Variants in CNTNAP5 observed in about 807,000 individuals in gnomAD.
The protein encoded by CNTNAP5 is contactin-associated protein-like 5.
Under a neutral mutation model 150.2 loss-of-function variants are expected in CNTNAP5, and 72 were observed. The ratio of observed to expected loss-of-function variants is 0.48; its 90% CI spans 0.40 to 0.58. CNTNAP5 has a LOEUF of 0.58. Ranked by LOEUF, CNTNAP5 falls within the 20% of genes least tolerant of loss-of-function variation. The probability of loss-of-function intolerance (pLI) is 0.00; values close to 1 mark genes in which losing one functional copy is unlikely to be tolerated. For missense variants in CNTNAP5, 1,636 were observed against 1,626.2 expected (o/e 1.01, Z -0.10); for synonymous variants, 672 against 619.8 (o/e 1.08, Z -1.25).
Position 124,639,488 on chromosome 2 carries a change from C to G in CNTNAP5, c.1877-8270C>G, listed in dbSNP as rs1284268901. On this transcript the variant is annotated intron_variant, in intron 12 of 23. Transcript: ENST00000682447. ...GCGTCTCTTCTTTTCTGACCCGGTACAAGGAGATATAAATGCTGCCTTTGG... is the reference window on the plus strand; with the variant it reads ...GCGTCTCTTCTTTTCTGACCCGGTAGAAGGAGATATAAATGCTGCCTTTGG... Among the ~76,000 whole-genome samples the G allele has an allele frequency of 2.0e-5, 3 of 152,200 alleles. No homozygotes were observed. In the South Asian group the frequency reaches 6.2e-4, roughly 32 times the overall value.
chr2:124,664,389 C>G (rs972509127), intron 13 of CNTNAP5, among the ~76,000 whole-genome samples: 1 of 146,128 alleles, frequency 6.8e-6, no homozygotes. Context: ...AAGGTAAAAA[C>G]AAACAAAACC....
intron 12 of CNTNAP5, among the ~76,000 whole-genome samples, chr2:124,643,620 T>C (rs529698468): frequency 8.5e-5 from 13 of 152,316 alleles, no homozygotes; most frequent in Admixed American, 2.0e-4. Context: ...CTCTAAGGAA[T>C]GAAGTCCAAG....
chr2:124,293,456 C>A (rs1349163126), intron 3 of CNTNAP5, among the ~76,000 whole-genome samples: 2 of 151,954 alleles, frequency 1.3e-5, no homozygotes, highest in Middle Eastern at 3.2e-3. Flanking sequence ...TAGTTAATAA[C>A]AATCCAATGC....
chr2:124,660,735 T>C lies in CNTNAP5; in HGVS notation c.2077+12777T>C, dbSNP rs1455242514. On this transcript the variant is annotated intron_variant, in intron 13 of 23. Transcript: ENST00000682447. ...TAATACAATGGTAAATATTTTTACA[T>C]CTAAACATACCTAAATATGAAACAG... is the stretch of plus-strand genomic sequence containing the variant. Among the ~76,000 whole-genome samples the C allele has an allele frequency of 3.3e-5, 5 of 151,922 alleles. No homozygotes were observed. The East Asian group carries it at 9.7e-4, about 29-fold the overall frequency.
At chr2:124,129,815 T>A (rs1020824210) in intron 1 of CNTNAP5, among the ~76,000 whole-genome samples, 5 of 152,172 alleles carry the variant, frequency 3.3e-5, no homozygotes, top group Non-Finnish European at 5.9e-5. Flanking sequence ...TTATCTTGGT[T>A]TGTTATTTTC....
intron 13 of CNTNAP5, among the ~76,000 whole-genome samples, chr2:124,708,753 C>T (rs1679746581): frequency 6.6e-6 from 1 of 152,148 alleles, no homozygotes; most frequent in Non-Finnish European, 1.5e-5. Flanking sequence ...ATTCCCCCAT[C>T]ATCACTTAGT....
intron 1 of CNTNAP5, among the ~76,000 whole-genome samples, chr2:124,033,943 A>T (rs1558732050): frequency 2.0e-5 from 3 of 152,074 alleles, no homozygotes; most frequent in African/African-American, 7.2e-5. Context: ...TGTGAAAGAG[A>T]TAGTACTGGG....
chr2:124,434,077 A>G (rs1171599076), intron 4 of CNTNAP5, among the ~76,000 whole-genome samples: 7 of 152,138 alleles, frequency 4.6e-5, no homozygotes, highest in Non-Finnish European at 7.3e-5. Flanking sequence ...TCTATTTTTC[A>G]TCTCTAATGT....
chr2:124,215,824 C>T (rs923384142), intron 1 of CNTNAP5, among the ~76,000 whole-genome samples: 22 of 151,320 alleles, frequency 1.5e-4, no homozygotes, highest in African/African-American at 4.1e-4. Flanking sequence ...TCTTTCACTT[C>T]GCAGAAAAAA....
intron 22 of CNTNAP5, among the ~76,000 whole-genome samples, chr2:124,909,417 C>T (rs1246306328): frequency 6.6e-6 from 1 of 152,114 alleles, no homozygotes; most frequent in Non-Finnish European, 1.5e-5. Flanking sequence ...TGTGAGCACA[C>T]TCTATGATTT....
At chr2:124,464,915 A>G (rs573113948) in intron 6 of CNTNAP5, among the ~76,000 whole-genome samples, 2 of 152,274 alleles carry the variant, frequency 1.3e-5, no homozygotes, top group East Asian at 1.9e-4. Context: ...TCCTTTTTTT[A>G]TACCTGTTTC....
chr2:124,288,863 A>G (rs1688217782), intron 3 of CNTNAP5, among the ~76,000 whole-genome samples: 1 of 152,218 alleles, frequency 6.6e-6, no homozygotes. Flanking sequence ...GGAAAGTCAG[A>G]GAAACTCAAC....
At chr2:124,147,683 G>A (rs1283182234) in intron 1 of CNTNAP5, among the ~76,000 whole-genome samples, 1 of 152,196 alleles carries the variant, frequency 6.6e-6, no homozygotes, top group Non-Finnish European at 1.5e-5. Context: ...CCATTGAGGG[G>A]ATGGAACGGC....
At chr2:124,103,615 A>G (rs1280871804) in intron 1 of CNTNAP5, among the ~76,000 whole-genome samples, 1 of 152,118 alleles carries the variant, frequency 6.6e-6, no homozygotes, top group Admixed American at 6.6e-5. Flanking sequence ...CAGTCCAGCA[A>G]CATGGTGTAT....
chr2:124,694,322 T>C (rs931887000), intron 13 of CNTNAP5, among the ~76,000 whole-genome samples: 7 of 152,168 alleles, frequency 4.6e-5, no homozygotes, highest in African/African-American at 1.7e-4. Context: ...CAGCTTGTAG[T>C]TGGCAAAGCT....
chr2:124,812,369 G>C (rs1160294886), intron 19 of CNTNAP5, among the ~76,000 whole-genome samples: 1 of 150,758 alleles, frequency 6.6e-6, no homozygotes, highest in Non-Finnish European at 1.5e-5. Context: ...CAACCCCCCA[G>C]TGATCAGAGT....
chr2:124,138,195 C>G (rs1050558332), intron 1 of CNTNAP5, among the ~76,000 whole-genome samples: 5 of 152,098 alleles, frequency 3.3e-5, no homozygotes, highest in Non-Finnish European at 7.3e-5. Flanking sequence ...AGGTGAGGCC[C>G]CAGCACTGAT....
At chr2:124,437,446 A>G (rs191276099) in intron 5 of CNTNAP5, among the ~76,000 whole-genome samples, 7 of 152,316 alleles carry the variant, frequency 4.6e-5, no homozygotes, top group South Asian at 2.1e-4. Context: ...TGTCCCATTT[A>G]TACAGATAGT....
intron 1 of CNTNAP5, among the ~76,000 whole-genome samples, chr2:124,210,963 G>A (rs6707012): frequency 0.31 from 46,902 of 151,998 alleles, 7,386 homozygotes; most frequent in South Asian, 0.47. Context: ...CATGCTTTCT[G>A]TTCCCTTTAA....
Sources: allele counts gnomAD v4.1 joint callset (sites outside exome capture counted in the v4.1 genomes callset), GRCh38; gene constraint gnomAD v4.1.1; transcripts MANE v1.5; gene names NCBI Gene and HGNC (gene_info 2026-07-23, HGNC 2026-07-21).